SPON2: variants seen among roughly 807,000 people sequenced by gnomAD.
SPON2 encodes the protein spondin-2.
SPON2 carries 32 observed loss-of-function variants against 29.9 expected under a neutral mutation model. The ratio of observed to expected loss-of-function variants is 1.07; its 90% CI spans 0.81 to 1.44. The LOEUF is 1.44. Ranked by LOEUF, SPON2 falls within the 40% of genes most tolerant of loss-of-function variation. SPON2 has a pLI of 0.00. For missense variants in SPON2, 541 were observed against 455.5 expected, an observed-to-expected ratio of 1.19 and a Z score of -1.71; for synonymous variants, 248 against 209.1, an observed-to-expected ratio of 1.19 and a Z score of -1.61.
In SPON2 at chr4:1,167,137, G is replaced by A; in HGVS notation, c.*335C>T. 4.2e-6 allele frequency: 1 copy of A among 238,584 alleles called. No homozygotes were observed. Among genetic ancestry groups the A allele is most frequent in the South Asian group, 9.9e-5 (1 of 10,086 alleles). The allele number at this position is 238,584 out of a possible 1,614,324, so 14.8% of individuals were successfully genotyped here. A position where few individuals can be genotyped will look rare whatever the true frequency, so the allele number is the denominator to read the frequency against. ...GGGAGCCAGGCCCCTGGACGATGAAGGACAATCTCCTGGAGCAGCAATAAC... is the reference window on the plus strand; with the variant it reads ...GGGAGCCAGGCCCCTGGACGATGAAAGACAATCTCCTGGAGCAGCAATAAC... On this transcript the variant is annotated 3_prime_UTR_variant, in exon 6 of 6. Coordinates refer to ENST00000290902, the MANE Select transcript of SPON2 (RefSeq NM_012445.4).
rs553321294 is a variant in SPON2 at position 1,186,002 on chromosome 4, T to C, written c.-238-6461A>G. On this transcript the variant is annotated intron_variant, in intron 1 of 3. Coordinates refer to the SPON2 transcript ENST00000502483. ...GCTCACGCCTGTAATCCCAGCACTT[T>C]GGGAGGCCGAGGCGGGCGGATCACG... Among the ~76,000 whole-genome samples the C allele has an allele frequency of 2.3e-3, 342 of 151,588 alleles. 2 individuals are homozygous for C. Among genetic ancestry groups the C allele is most frequent in the African/African-American group, 8.1e-3 (335 of 41,414 alleles).
chr4:1,196,174 G>C (rs1443012873), upstream of SPON2, among the ~76,000 whole-genome samples: 2 of 152,238 alleles, frequency 1.3e-5, no homozygotes, highest in African/African-American at 4.8e-5. Flanking sequence ...CTCAGTCAGG[G>C]CTCATGGGGG....
rs551849951 is a variant in SPON2, at chr4:1,202,176, G to C, written c.-234+5704C>G. 6.6e-6 allele frequency among the ~76,000 whole-genome samples: 1 copy of C among 152,158 alleles called. No homozygotes were observed. The highest frequency in any genetic ancestry group is 1.9e-4 in the East Asian group (1 of 5,194). ...ATCAACAGAGACTTCCTGCCTCCCC[G>C]TCTGGAGGCCAAGGTTGGGTTCTCC... On this transcript the variant is annotated intron_variant, in intron 1 of 3. Coordinates refer to the SPON2 transcript ENST00000509233. The surrounding 1 kb of genome is among the most constrained non-coding windows in gnomAD (Gnocchi z 5.4).
rs1313901259 is a variant in SPON2 at position 1,171,864 on chromosome 4, A to G, written c.208T>C (p.Ser70Pro). Residue 70 changes from serine (S) to proline (P), a missense_variant, in exon 2 of 6, where the codon TCT becomes CCT. Coordinates refer to ENST00000290902, the MANE Select transcript of SPON2 (RefSeq NM_012445.4). Reference sequence around the variant, plus strand: ...GGGCTGTACTTACCCAGCAGCGAAGACCACTGCGCAGGGGGGCGGAACAGG... The same window carrying G: ...GGGCTGTACTTACCCAGCAGCGAAGGCCACTGCGCAGGGGGGCGGAACAGG... ...YPLFRPPAQW[S>P]SLLGAAHSSD... 1.2e-6 allele frequency: 2 copies of G among 1,612,026 alleles called. No homozygotes were observed. Among genetic ancestry groups the G allele is most frequent in the Non-Finnish European group, 1.7e-6 (2 of 1,179,132 alleles).
chr4:1,169,612 C>A (rs114283434), intron 5 of SPON2, among the ~76,000 whole-genome samples: 3,045 of 152,280 alleles, frequency 0.02, 101 homozygotes, highest in African/African-American at 0.07. Flanking sequence ...GGGGCGGCCC[C>A]GTACCTGCCT....
rs924471336 is a variant in SPON2, at chr4:1,171,661, C to G, written c.221-175G>C. On this transcript the variant is annotated intron_variant, in intron 2 of 5. Transcript: ENST00000290902. ...CTGCCGCGACCCACCTGCGCCCTCC[C>G]CGTGAGCGCCCCCTGCCCCCACCGC... The G allele has an allele frequency of 1.4e-5, 11 of 777,652 alleles. No homozygotes were observed. The South Asian group carries it at 2.0e-4, about 14-fold the overall frequency. 48.2% of individuals were successfully genotyped at this position (777,652 alleles called of 1,614,324 possible).
chr4:1,176,454 C>CTCACACAGTACATTCATTCATCCAT (rs1336833502), upstream of SPON2, among the ~76,000 whole-genome samples: 9 of 151,714 alleles, frequency 5.9e-5, no homozygotes, highest in African/African-American at 2.0e-4. Flanking sequence ...CATTCACTCA[C>CTCACACAGTACATTCATTCATCCAT]TCACACAGTA....
intron 1 of SPON2, among the ~76,000 whole-genome samples, chr4:1,191,932 C>T (rs1172399553): frequency 6.6e-6 from 1 of 152,250 alleles, no homozygotes; most frequent in Non-Finnish European, 1.5e-5. Flanking sequence ...ACCCAGCCTT[C>T]AGGCCACACC....
intron 1 of SPON2, 199 bp from the exon 2 acceptor site, chr4:1,172,273 T>A: frequency 1.7e-6 from 1 of 602,346 alleles, no homozygotes; most frequent in Non-Finnish European, 2.9e-6. Flanking sequence ...AGATCGCCCG[T>A]GCGCCTGCGA....
chr4:1,185,144 G>T (rs1180323427), intron 1 of SPON2, among the ~76,000 whole-genome samples: 1 of 150,724 alleles, frequency 6.6e-6, no homozygotes, highest in Non-Finnish European at 1.5e-5. Flanking sequence ...CACAATCTCG[G>T]CTCACTGCAG....
chr4:1,171,728 G>A (rs2242278), intron 2 of SPON2, 124 bp downstream of exon 2: 229,622 of 817,218 alleles, frequency 0.28, 35,000 homozygotes, highest in Middle Eastern at 0.35. Context: ...CAAACATTCT[G>A]GTGTTAGAGT....
At chr4:1,190,295 A>G (rs1254573425) in intron 1 of SPON2, among the ~76,000 whole-genome samples, 1 of 151,678 alleles carries the variant, frequency 6.6e-6, no homozygotes, top group African/African-American at 2.4e-5. Flanking sequence ...AAAAAAAAAC[A>G]AACAAAAAAA....
chr4:1,182,880 A>G (rs1381973178), intron 1 of SPON2, among the ~76,000 whole-genome samples: 1 of 152,228 alleles, frequency 6.6e-6, no homozygotes, highest in Non-Finnish European at 1.5e-5. Context: ...GCAGATATCA[A>G]AAACTTTGGA....
At chr4:1,207,234 A>C (rs1335735273) in intron 1 of SPON2, among the ~76,000 whole-genome samples, 1 of 152,072 alleles carries the variant, frequency 6.6e-6, no homozygotes, top group Admixed American at 6.5e-5. Context: ...GAGGGGGTGG[A>C]GGCCGGAGGC....
chr4:1,178,381 T>C (rs1414273940), intron 2 of SPON2, among the ~76,000 whole-genome samples: 9 of 151,802 alleles, frequency 5.9e-5, no homozygotes, highest in Non-Finnish European at 1.5e-5. Flanking sequence ...GGCCACATGG[T>C]CCAGTGGTTC....
At chr4:1,206,544 G>GTGTC (rs1159214299) in intron 1 of SPON2, among the ~76,000 whole-genome samples, 1 of 152,220 alleles carries the variant, frequency 6.6e-6, no homozygotes, top group Admixed American at 6.5e-5. Flanking sequence ...CAGGACAGAT[G>GTGTC]TGTCCCCTGT....
intron 1 of SPON2, among the ~76,000 whole-genome samples, chr4:1,204,773 G>A (rs905371655): frequency 3.3e-5 from 5 of 152,188 alleles, no homozygotes; most frequent in Non-Finnish European, 5.9e-5. Context: ...CGGGCTTGTT[G>A]CTGGTCTGTG....
chr4:1,181,077 T>C (rs895240068), intron 1 of SPON2, among the ~76,000 whole-genome samples: 10 of 152,180 alleles, frequency 6.6e-5, no homozygotes, highest in Non-Finnish European at 1.2e-4. Context: ...ATAGCCGCAC[T>C]GACACACATC....
chr4:1,178,085 C>T (rs1727638831), upstream of SPON2, among the ~76,000 whole-genome samples: 1 of 151,510 alleles, frequency 6.6e-6, no homozygotes, highest in Admixed American at 6.6e-5. Flanking sequence ...CGGCCAGACA[C>T]CACGGGCTCT....
Sources: allele counts gnomAD v4.1 joint callset (sites outside exome capture counted in the v4.1 genomes callset), GRCh38; gene constraint gnomAD v4.1.1; non-coding constraint Gnocchi (gnomAD v3.1); transcripts MANE v1.5; gene names NCBI Gene and HGNC (gene_info 2026-07-23, HGNC 2026-07-21).